PCDH15: variants seen among roughly 807,000 people sequenced by gnomAD.
PCDH15 encodes protocadherin-15.
In PCDH15, 129 loss-of-function variants were observed where a neutral mutation model predicts 178.5. That is an observed-to-expected ratio of 0.72 (90% CI 0.63 to 0.84). The LOEUF (loss-of-function observed/expected upper bound fraction) is 0.84. PCDH15 is among the 40% of genes least tolerant of loss of function. The probability of loss-of-function intolerance (pLI) is 0.00; values close to 1 mark genes in which losing one functional copy is unlikely to be tolerated. For synonymous variants in PCDH15, 800 were observed against 732.0 expected, an observed-to-expected ratio of 1.09 and a Z score of -1.50; for missense variants, 2,230 against 2,099.9, an observed-to-expected ratio of 1.06 and a Z score of -1.21.
intron 2 of PCDH15, among the ~76,000 whole-genome samples, chr10:55,046,913 A>G (rs1841020681): frequency 6.6e-6 from 1 of 152,020 alleles, no homozygotes; most frequent in South Asian, 2.1e-4. Flanking sequence ...ATTAATTTAA[A>G]GTAATGAGTT....
rs577584065 is a variant in PCDH15, at chr10:54,277,207, A to C, written c.876+40064T>G. 7.2e-5 allele frequency among the ~76,000 whole-genome samples: 11 copies of C among 151,774 alleles called. No homozygotes were observed. The East Asian group carries it at 2.1e-3, about 29-fold the overall frequency. ...AAAAGGCCTTAAACTGTTTTAAGGC[A>C]CTAATATTAAGGTGGTTTCATTGTT... is the stretch of plus-strand genomic sequence containing the variant. On this transcript the variant is annotated intron_variant, in intron 8 of 37. Transcript: ENST00000644397.
chr10:54,035,789 G>T (rs749780290), intron 18 of PCDH15, among the ~76,000 whole-genome samples: 8 of 151,992 alleles, frequency 5.3e-5, no homozygotes, highest in Non-Finnish European at 5.9e-5. Context: ...TAGGTCAAAA[G>T]CTGAGAAAGC....
Position 53,802,778 on chromosome 10 carries a change from A to G in PCDH15, c.*3801T>C, listed in dbSNP as rs1840947482. The G allele has an allele frequency of 6.6e-6, 1 of 151,942 alleles. No homozygotes were observed. The highest frequency in any genetic ancestry group is 1.5e-5 in the Non-Finnish European group (1 of 67,862). 9.4% of individuals were successfully genotyped at this position (151,942 alleles called of 1,614,324 possible). ...GAGTAATGAGAAATCATCTTTTCAA[A>G]TGAAAATTTATTTTTGAAACATTGT... is the stretch of plus-strand genomic sequence containing the variant. On this transcript the variant is annotated 3_prime_UTR_variant, in exon 38 of 38. Transcript: ENST00000644397.
intron 15 of PCDH15, among the ~76,000 whole-genome samples, chr10:54,100,691 A>G (rs1391089746): frequency 1.3e-5 from 2 of 152,310 alleles, no homozygotes; most frequent in East Asian, 3.9e-4. Context: ...CGATTTGTAA[A>G]GCAGTGTTTC....
At chr10:54,266,123 A>G (rs2057664637) in intron 8 of PCDH15, among the ~76,000 whole-genome samples, 2 of 148,946 alleles carry the variant, frequency 1.3e-5, no homozygotes, top group Admixed American at 1.4e-4. Flanking sequence ...CAATAGCAAG[A>G]GGAACTCTAA....
chr10:54,939,934 C>A (rs1838018125), intron 2 of PCDH15, among the ~76,000 whole-genome samples: 1 of 152,106 alleles, frequency 6.6e-6, no homozygotes, highest in South Asian at 2.1e-4. Flanking sequence ...CCTACCATCA[C>A]CTTAGGGGTT....
At chr10:54,335,305 G>C (rs1392422596) in intron 6 of PCDH15, among the ~76,000 whole-genome samples, 4 of 152,196 alleles carry the variant, frequency 2.6e-5, no homozygotes, top group African/African-American at 9.6e-5. Flanking sequence ...ACTAACTGAA[G>C]TAAGTTAAAA....
At chr10:53,901,527 T>C (rs1175448120) in intron 26 of PCDH15, among the ~76,000 whole-genome samples, 1 of 152,178 alleles carries the variant, frequency 6.6e-6, no homozygotes, top group East Asian at 1.9e-4. Context: ...TCCAAAACAC[T>C]GTGTTACCCA....
intron 15 of PCDH15, among the ~76,000 whole-genome samples, chr10:54,116,199 G>A (rs148389220): frequency 2.1e-5 from 3 of 143,620 alleles, no homozygotes; most frequent in African/African-American, 5.2e-5. Flanking sequence ...TGAGTAAGAT[G>A]AGAAATTAAG....
At chr10:55,487,851 C>T (rs1840329128) in intron 2 of PCDH15, among the ~76,000 whole-genome samples, 1 of 151,448 alleles carries the variant, frequency 6.6e-6, no homozygotes, top group Non-Finnish European at 1.5e-5. Context: ...TTAATTATGA[C>T]ACTTGTCTTC....
At chr10:54,697,667 G>GAAGGAAGGAAGGAAGGGGAAGT (rs58713016) in intron 1 of PCDH15, among the ~76,000 whole-genome samples, 1 of 79,250 alleles carries the variant, frequency 1.3e-5, no homozygotes, top group Non-Finnish European at 2.6e-5. Flanking sequence ...GAAGGGGAAG[G>GAAGGAAGGAAGGAAGGGGAAGT]GGGAAGGGGA....
At chr10:53,922,636 A>ATATATATAGGGATTTTTGTATAGATTTTT (rs1279453932) in intron 25 of PCDH15, among the ~76,000 whole-genome samples, 6 of 152,202 alleles carry the variant, frequency 3.9e-5, no homozygotes, top group Non-Finnish European at 8.8e-5. Context: ...AATTTTCCCT[A>ATATATATAGGGATTTTTGTATAGATTTTT]GTATAGATTT....
intron 28 of PCDH15, 91 bp downstream of exon 28, chr10:53,857,084 G>T (rs2078797872): frequency 2.1e-6 from 2 of 932,174 alleles, no homozygotes; most frequent in Non-Finnish European, 3.4e-6. Context: ...ACCTGCACAT[G>T]TATCCCCTGA....
rs1432564365 is a variant in PCDH15, at chr10:53,866,676, T to C, written c.3683A>G (p.Tyr1228Cys). The change falls in exon 27 of 38, where the codon TAT (tyrosine) becomes TGT (cysteine). Residue 1228 changes from tyrosine (Y) to cysteine (C), a missense_variant. Tyr to Cys is a radical substitution (Grantham distance 194). Transcript: ENST00000644397. ...FKFQVIATDDYGKGLSGKADV... is the reference protein window; with the variant it reads ...FKFQVIATDDCGKGLSGKADV... ...GGCTTTGCCGCTCAGTCCCTTCCCA[T>C]AGTCGTCAGTTGCAATAACTTGAAA... The C allele has an allele frequency of 2.5e-6, 4 of 1,613,518 alleles. No individual in the cohort carries two copies. The highest frequency in any genetic ancestry group is 1.6e-4 in the Middle Eastern group (1 of 6,078).
At position 55,196,780 on chromosome 10, in the gene PCDH15, CA is replaced by C. The variant is rs1430416453; in HGVS notation, c.-155-30130del. Among the ~76,000 whole-genome samples the C allele has an allele frequency of 1.2e-4, 18 of 151,820 alleles. No homozygotes were observed. In the East Asian group the frequency reaches 3.1e-3, roughly 26 times the overall value. The stretch of plus-strand genomic sequence containing the variant: ...TCCATACGGACGAGTTTTGTCTTTC[CA>C]AAACACATTTTTTTCAGTCTTACTC... On this transcript the variant is annotated intron_variant, in intron 1 of 5. Coordinates refer to the PCDH15 transcript ENST00000458638.
intron 8 of PCDH15, among the ~76,000 whole-genome samples, chr10:54,257,387 TA>T (rs1463647248): frequency 7.0e-6 from 1 of 142,118 alleles, no homozygotes; most frequent in Non-Finnish European, 1.5e-5. Context: ...CTGTGTGAAA[TA>T]AAGAGAATTG....
intron 2 of PCDH15, among the ~76,000 whole-genome samples, chr10:55,164,471 A>T (rs1437392606): frequency 6.6e-6 from 1 of 150,836 alleles, no homozygotes; most frequent in Non-Finnish European, 1.5e-5. Context: ...GATATATAAG[A>T]TATACAAAAT....
At chr10:54,383,603 G>T (rs997446431) in intron 3 of PCDH15, among the ~76,000 whole-genome samples, 79 of 144,454 alleles carry the variant, frequency 5.5e-4, no homozygotes, top group South Asian at 1.9e-3. Flanking sequence ...AAAAGTACAA[G>T]CATACCATGC....
chr10:54,772,119 A>G (rs1566192877), intron 1 of PCDH15, among the ~76,000 whole-genome samples: 1 of 152,194 alleles, frequency 6.6e-6, no homozygotes. Context: ...AATATATAAA[A>G]GAAATGGAAA....
Sources: gnomAD v4.1 joint callset for allele counts (sites outside exome capture counted in the v4.1 genomes callset) on GRCh38, gnomAD v4.1.1 for gene constraint, MANE v1.5 for transcripts, NCBI Gene and HGNC (gene_info 2026-07-23, HGNC 2026-07-21) for gene names.